FAAH2: variants seen among roughly 807,000 people sequenced by gnomAD.
FAAH2 encodes the protein fatty-acid amide hydrolase 2.
A neutral mutation model predicts 36.9 loss-of-function variants in FAAH2; 60 were observed. The ratio of observed to expected loss-of-function variants is 1.63; its 90% CI spans 1.32 to 2.02. The LOEUF (loss-of-function observed/expected upper bound fraction) is 2.02, where lower values mean the gene tolerates loss of function less well. FAAH2 is among the 30% of genes most tolerant of loss of function. FAAH2 has a pLI of 0.00. For missense variants in FAAH2, 689 were observed against 397.5 expected (o/e 1.73, Z -6.23); for synonymous variants, 214 against 143.8 (o/e 1.49, Z -3.49).
chrX:57,306,742 A>G (rs1446271272), intron 2 of FAAH2, among the ~76,000 whole-genome samples: 3 of 96,383 alleles, frequency 3.1e-5, no homozygotes, highest in Non-Finnish European at 4.1e-5. Context: ...ATATATATAC[A>G]CACACACTAT....
the FAAH2 span, among the ~76,000 whole-genome samples, chrX:57,219,137 G>A: frequency 2.7e-5 from 3 of 111,532 alleles, no homozygotes; most frequent in African/African-American, 9.8e-5. Flanking sequence ...TAGCAGTTAC[G>A]TCAGACTAGG....
the FAAH2 span, among the ~76,000 whole-genome samples, chrX:57,159,387 G>A: frequency 4.5e-5 from 5 of 111,721 alleles, no homozygotes; most frequent in Admixed American, 9.5e-5. Flanking sequence ...AAAGTCATTG[G>A]TAGCTTGATG....
At chrX:57,364,443 CTT>C (rs1225398163) in intron 5 of FAAH2, among the ~76,000 whole-genome samples, 15 of 73,299 alleles carry the variant, frequency 2.0e-4, no homozygotes, top group African/African-American at 5.3e-4. Flanking sequence ...GGATCTTCTC[CTT>C]TTTTTTTTTT....
the FAAH2 span, among the ~76,000 whole-genome samples, chrX:57,188,215 A>T: frequency 9.0e-6 from 1 of 111,286 alleles, no homozygotes; most frequent in East Asian, 2.8e-4. Context: ...TGGGTAGGTC[A>T]CTAATTACTG....
the FAAH2 span, among the ~76,000 whole-genome samples, chrX:57,266,881 C>A: frequency 2.7e-5 from 3 of 112,442 alleles, no homozygotes; most frequent in African/African-American, 6.5e-5. Flanking sequence ...GGTCATTCCT[C>A]TAGGCTCAAC....
At chrX:57,190,644 G>A in the FAAH2 span, among the ~76,000 whole-genome samples, 1 of 110,227 alleles carries the variant, frequency 9.1e-6, no homozygotes, top group Non-Finnish European at 1.9e-5. Context: ...GGCTGGGAAA[G>A]GGAAGCCCCT....
At chrX:57,420,930 AG>A (rs1465905986) in intron 7 of FAAH2, among the ~76,000 whole-genome samples, 4 of 112,058 alleles carry the variant, frequency 3.6e-5, no homozygotes, top group Admixed American at 9.5e-5. Flanking sequence ...TTTAGCATGA[AG>A]GGTTGTTGAA....
intron 8 of FAAH2, among the ~76,000 whole-genome samples, chrX:57,443,487 G>T (rs1255284617): frequency 8.9e-6 from 1 of 111,921 alleles, no homozygotes; most frequent in South Asian, 3.7e-4. Context: ...ATCTACACCT[G>T]TTATTCTAGT....
chrX:57,200,265 T>A, the FAAH2 span, among the ~76,000 whole-genome samples: 2 of 110,738 alleles, frequency 1.8e-5, no homozygotes, highest in Non-Finnish European at 3.8e-5. Context: ...TGGTTTGGGA[T>A]TACAATAGGC....
intron 7 of FAAH2, among the ~76,000 whole-genome samples, chrX:57,382,647 A>G (rs1468776933): frequency 8.9e-6 from 1 of 111,828 alleles, no homozygotes; most frequent in Non-Finnish European, 1.9e-5. Context: ...ATCTCTGAAT[A>G]GACCAATAAC....
the FAAH2 span, among the ~76,000 whole-genome samples, chrX:57,251,419 G>T: frequency 9.0e-6 from 1 of 111,620 alleles, no homozygotes; most frequent in Non-Finnish European, 1.9e-5. Context: ...AATGCTGAAA[G>T]TTTCTCCTCT....
chrX:57,444,676 G>A (rs1055835971), intron 8 of FAAH2, among the ~76,000 whole-genome samples: 1 of 111,475 alleles, frequency 9.0e-6, no homozygotes, highest in African/African-American at 3.3e-5. Flanking sequence ...TGTCGCTCAT[G>A]CTTGGAGCTG....
chrX:57,284,303 G>A (rs1045823381), upstream of FAAH2, among the ~76,000 whole-genome samples: 2 of 111,435 alleles, frequency 1.8e-5, no homozygotes, highest in Admixed American at 1.9e-4. Context: ...GAACCCGGGA[G>A]GCAAAGGTTG....
intron 10 of FAAH2, among the ~76,000 whole-genome samples, chrX:57,475,327 G>A (rs1050417431): frequency 8.9e-6 from 1 of 111,787 alleles, no homozygotes; most frequent in African/African-American, 3.3e-5. Flanking sequence ...ATGGTTTTGG[G>A]TTTTACATTT....
chrX:57,328,100 T>G (rs182253413), intron 3 of FAAH2, among the ~76,000 whole-genome samples: 2 of 111,919 alleles, frequency 1.8e-5, no homozygotes, highest in African/African-American at 6.5e-5. Context: ...TTGCTGGAGG[T>G]CCCCTGCAGA....
At chrX:57,336,169 C>T (rs1030687538) in intron 4 of FAAH2, among the ~76,000 whole-genome samples, 3 of 111,346 alleles carry the variant, frequency 2.7e-5, no homozygotes, top group Non-Finnish European at 3.8e-5. Flanking sequence ...CCTGTTCCTG[C>T]CTTAACTGAT....
chrX:57,288,522 C>T (rs5960258), intron 1 of FAAH2, among the ~76,000 whole-genome samples: 38,524 of 105,864 alleles, frequency 0.36, 6,225 homozygotes, highest in Middle Eastern at 0.61. Flanking sequence ...GCTAATATTT[C>T]GTATTTTTTA....
chrX:57,291,576 G>T (rs1036675183), intron 1 of FAAH2, among the ~76,000 whole-genome samples: 2 of 111,204 alleles, frequency 1.8e-5, no homozygotes, highest in Admixed American at 9.5e-5. Flanking sequence ...TTATGTAATT[G>T]GTTTAATCCT....
At chrX:57,253,589 G>T in the FAAH2 span, among the ~76,000 whole-genome samples, 1 of 111,865 alleles carries the variant, frequency 8.9e-6, no homozygotes, top group Admixed American at 9.5e-5. Flanking sequence ...AACCCTAAAA[G>T]CCAGAAGAGA....
Sources: gnomAD v4.1 joint callset for allele counts (sites outside exome capture counted in the v4.1 genomes callset) on GRCh38, gnomAD v4.1.1 for gene constraint, MANE v1.5 for transcripts, NCBI Gene and HGNC (gene_info 2026-07-23, HGNC 2026-07-21) for gene names.